The following ACER1 variants were observed in gnomAD, a reference collection of about 807,000 sequenced individuals.
The protein encoded by ACER1 is alkaline ceramidase 1, also known as CTB-180A7.3.
A neutral mutation model predicts 24.9 loss-of-function variants in ACER1; 28 were observed. The observed-to-expected ratio is 1.13, with a 90% CI of 0.83 to 1.54. The LOEUF is 1.54. ACER1 is among the 40% of genes most tolerant of loss of function. ACER1 has a pLI of 0.00. For missense variants in ACER1, 352 were observed against 349.3 expected, an observed-to-expected ratio of 1.01 and a Z score of -0.06; for synonymous variants, 132 against 131.4, an observed-to-expected ratio of 1.00 and a Z score of -0.03.
intron 1 of ACER1, among the ~76,000 whole-genome samples, chr19:6,326,540 C>G (rs999984456): frequency 2.0e-5 from 3 of 151,860 alleles, no homozygotes; most frequent in African/African-American, 7.3e-5. Context: ...GCTGGGGTTA[C>G]AGGTGTAAGC....
At chr19:6,313,288 T>A (rs1292488183) in intron 1 of ACER1, among the ~76,000 whole-genome samples, 2 of 152,026 alleles carry the variant, frequency 1.3e-5, no homozygotes, top group Non-Finnish European at 2.9e-5. Context: ...CTGGCTAATT[T>A]TCTTTTATTT....
intron 1 of ACER1, among the ~76,000 whole-genome samples, chr19:6,321,008 C>G (rs1364175922): frequency 6.6e-6 from 1 of 150,682 alleles, no homozygotes; most frequent in Non-Finnish European, 1.5e-5. Flanking sequence ...TTTTTAACAT[C>G]CCTATTTTTA....
chr19:6,354,970 G>A, the ACER1 span, among the ~76,000 whole-genome samples: 7 of 152,134 alleles, frequency 4.6e-5, no homozygotes, highest in South Asian at 1.0e-3. Flanking sequence ...TTGCAGGCGC[G>A]CGCCACCACG....
At chr19:6,356,802 G>A in the ACER1 span, among the ~76,000 whole-genome samples, 25 of 152,088 alleles carry the variant, frequency 1.6e-4, no homozygotes, top group Non-Finnish European at 3.1e-4. Context: ...GTAGACTGAG[G>A]TTGGGAGGAT....
intron 1 of ACER1, among the ~76,000 whole-genome samples, chr19:6,325,121 A>G (rs2091654595): frequency 6.6e-6 from 1 of 151,954 alleles, no homozygotes; most frequent in African/African-American, 2.4e-5. Flanking sequence ...GCCAAATGCC[A>G]CCGGTTGCCC....
intron 1 of ACER1, among the ~76,000 whole-genome samples, chr19:6,325,682 A>G (rs1260140295): frequency 6.6e-6 from 1 of 151,962 alleles, no homozygotes; most frequent in African/African-American, 2.4e-5. Flanking sequence ...AGACCTTTAC[A>G]TATGCTATTC....
chr19:6,309,589 G>T, intron 4 of ACER1, 108 bp downstream of exon 4: 1 of 1,423,920 alleles, frequency 7.0e-7, no homozygotes, highest in Non-Finnish European at 9.7e-7. Flanking sequence ...CCTGCTACTT[G>T]TTAGTGGGTG....
At chr19:6,351,233 G>T in the ACER1 span, among the ~76,000 whole-genome samples, 2 of 152,030 alleles carry the variant, frequency 1.3e-5, no homozygotes, top group African/African-American at 4.8e-5. Context: ...GGGCCTGGTG[G>T]CGGGCACCTG....
the ACER1 span, among the ~76,000 whole-genome samples, chr19:6,356,935 A>G: frequency 6.6e-6 from 1 of 151,596 alleles, no homozygotes; most frequent in South Asian, 2.1e-4. Context: ...TTATGATGAA[A>G]GTCACACCAA....
intron 1 of ACER1, among the ~76,000 whole-genome samples, chr19:6,320,426 C>A (rs992830543): frequency 6.6e-6 from 1 of 152,140 alleles, no homozygotes; most frequent in African/African-American, 2.4e-5. Flanking sequence ...AATTCTCCTG[C>A]CTCAGCCTCC....
At chr19:6,334,870 C>T (rs1308690707), upstream of ACER1, among the ~76,000 whole-genome samples, 1 of 150,628 alleles carries the variant, frequency 6.6e-6, no homozygotes, top group African/African-American at 2.4e-5. Context: ...GAGTCTTGCT[C>T]TGTCCCAAAG....
chr19:6,350,883 A>G, the ACER1 span, among the ~76,000 whole-genome samples: 1 of 152,206 alleles, frequency 6.6e-6, no homozygotes, highest in East Asian at 1.9e-4. Flanking sequence ...CTCGGCAGCC[A>G]GGTGTGGCCA....
At chr19:6,346,433 ACTCATTCTTT>A in the ACER1 span, among the ~76,000 whole-genome samples, 1 of 147,736 alleles carries the variant, frequency 6.8e-6, no homozygotes, top group African/African-American at 2.5e-5. Context: ...CTTTTATTTC[ACTCATTCTTT>A]TCTCCTCCTC....
rs2091553311 is a variant in ACER1 at position 6,306,601 on chromosome 19, G to C, written c.*113C>G. 2.3e-6 allele frequency: 3 copies of C among 1,306,730 alleles called. No homozygotes were observed. The highest frequency in any genetic ancestry group is 5.0e-5 in the Admixed American group (2 of 40,210). The allele number at this position is 1,306,730 out of a possible 1,614,324, so 80.9% of individuals were successfully genotyped here. ...GCAGGACAAGGAGGACACGGAAGGG[G>C]AAACAGAGGAAGGAACCACGAGTGT... On this transcript the variant is annotated 3_prime_UTR_variant, in exon 6 of 6. Transcript: ENST00000301452.
chr19:6,355,456 A>G, the ACER1 span, among the ~76,000 whole-genome samples: 2 of 143,266 alleles, frequency 1.4e-5, no homozygotes, highest in African/African-American at 5.6e-5. Context: ...AGAAGTGAGG[A>G]GACCCTCCGC....
upstream of ACER1, among the ~76,000 whole-genome samples, chr19:6,335,546 C>T (rs1323818273): frequency 1.3e-5 from 2 of 151,992 alleles, no homozygotes; most frequent in East Asian, 1.9e-4. Context: ...CTTAACAATC[C>T]TACCCCGGGT....
chr19:6,327,640 C>T (rs1472759566), intron 1 of ACER1, among the ~76,000 whole-genome samples: 3 of 151,624 alleles, frequency 2.0e-5, no homozygotes, highest in South Asian at 2.1e-4. Flanking sequence ...CACTCTTTGG[C>T]CTGTGGGCAA....
At chr19:6,333,395 A>T in intron 1 of ACER1, 64 bp downstream of exon 1, 3 of 1,363,894 alleles carry the variant, frequency 2.2e-6, no homozygotes, top group Non-Finnish European at 3.0e-6. Context: ...GTAAGGCTGT[A>T]TGGGGAGGAA....
intron 3 of ACER1, among the ~76,000 whole-genome samples, chr19:6,310,601 C>T (rs114414737): frequency 4.7e-5 from 7 of 150,352 alleles, no homozygotes; most frequent in South Asian, 4.2e-4. Flanking sequence ...GGTCCTAGCC[C>T]GGCACGGTGG....
Sources: gnomAD v4.1 joint callset for allele counts (sites outside exome capture counted in the v4.1 genomes callset) on GRCh38, gnomAD v4.1.1 for gene constraint, MANE v1.5 for transcripts, NCBI Gene and HGNC (gene_info 2026-07-23, HGNC 2026-07-21) for gene names.